The following GABRB1 variants were observed in gnomAD, a reference collection of about 807,000 sequenced individuals.
GABRB1 encodes gamma-aminobutyric acid type A receptor subunit beta1, also known as gamma-aminobutyric acid receptor subunit beta-1.
In GABRB1, 17 loss-of-function variants were observed where a neutral mutation model predicts 51.6. That is an observed-to-expected ratio of 0.33 (90% CI 0.23 to 0.49). The LOEUF (loss-of-function observed/expected upper bound fraction) is 0.49. Among genes scored for constraint, GABRB1 ranks in the 20% least tolerant of loss-of-function variants. The pLI, the probability that GABRB1 is intolerant of heterozygous loss-of-function variation, is 0.99. For synonymous variants in GABRB1, 247 were observed against 218.9 expected (o/e 1.13, Z -1.14); for missense variants, 410 against 600.6 (o/e 0.68, Z 3.32).
intron 5 of GABRB1, among the ~76,000 whole-genome samples, chr4:47,333,192 ATT>A (rs200956637): frequency 0.33 from 974 of 2,982 alleles, 17 homozygotes; most frequent in African/African-American, 0.42. Context: ...AACCCATTTT[ATT>A]TATATATATA....
At chr4:47,178,283 A>G (rs973218851) in intron 4 of GABRB1, among the ~76,000 whole-genome samples, 8 of 152,078 alleles carry the variant, frequency 5.3e-5, no homozygotes, top group African/African-American at 1.2e-4. Context: ...CTGGGTTAAG[A>G]GTCTATCTCT....
At chr4:47,161,544 G>A (rs561443773) in intron 4 of GABRB1, 75 bp downstream of exon 4, 16 of 1,157,222 alleles carry the variant, frequency 1.4e-5, no homozygotes, top group Non-Finnish European at 1.9e-5. Flanking sequence ...AGTGGGCAAA[G>A]GGGAGAGAAG....
intron 3 of GABRB1, among the ~76,000 whole-genome samples, chr4:47,067,487 T>C (rs1727136523): frequency 6.6e-6 from 1 of 152,192 alleles, no homozygotes; most frequent in Non-Finnish European, 1.5e-5. Flanking sequence ...TGTAGCCAAC[T>C]TCATCAATTA....
At chr4:47,422,620 C>T (rs1729127298) in intron 8 of GABRB1, among the ~76,000 whole-genome samples, 1 of 152,104 alleles carries the variant, frequency 6.6e-6, no homozygotes, top group South Asian at 2.1e-4. Flanking sequence ...TGTTCTCTAC[C>T]TCTATAGTTT....
chr4:47,361,861 A>G (rs547890890), intron 5 of GABRB1, among the ~76,000 whole-genome samples: 11 of 152,264 alleles, frequency 7.2e-5, no homozygotes, highest in Middle Eastern at 3.4e-3. Context: ...TAAGTCATCA[A>G]CTGGGGTTGT....
intron 4 of GABRB1, among the ~76,000 whole-genome samples, chr4:47,267,242 G>C (rs1722671830): frequency 6.6e-6 from 1 of 151,982 alleles, no homozygotes; most frequent in Non-Finnish European, 1.5e-5. Context: ...TTCATAGAAA[G>C]AGAGATGAGA....
At chr4:47,411,138 C>T (rs1173875108) in intron 8 of GABRB1, among the ~76,000 whole-genome samples, 1 of 152,044 alleles carries the variant, frequency 6.6e-6, no homozygotes, top group Non-Finnish European at 1.5e-5. Context: ...TCAACAGAAA[C>T]AGAGCAGTAA....
chr4:47,083,554 C>G (rs1321981840), intron 3 of GABRB1, among the ~76,000 whole-genome samples: 1 of 151,982 alleles, frequency 6.6e-6, no homozygotes, highest in Admixed American at 6.6e-5. Flanking sequence ...CATTTAAGAC[C>G]AGGGGTTAGA....
At chr4:47,328,857 T>G (rs558349636) in intron 5 of GABRB1, among the ~76,000 whole-genome samples, 1 of 151,654 alleles carries the variant, frequency 6.6e-6, no homozygotes, top group African/African-American at 2.4e-5. Context: ...ACATGGCACA[T>G]GTATACATAT....
At chr4:47,119,303 A>G (rs1004505652) in intron 3 of GABRB1, among the ~76,000 whole-genome samples, 1 of 152,114 alleles carries the variant, frequency 6.6e-6, no homozygotes, top group Non-Finnish European at 1.5e-5. Flanking sequence ...TAAAACCCAA[A>G]GTAAAATATT....
chr4:47,017,881 T>C (rs1366773302), intron 1 of GABRB1, among the ~76,000 whole-genome samples: 1 of 152,210 alleles, frequency 6.6e-6, no homozygotes, highest in Non-Finnish European at 1.5e-5. Context: ...AGAACTCAAA[T>C]CATTAAATTG....
intron 5 of GABRB1, among the ~76,000 whole-genome samples, chr4:47,326,276 G>A (rs1404293005): frequency 6.6e-6 from 1 of 152,106 alleles, no homozygotes; most frequent in Non-Finnish European, 1.5e-5. Context: ...AAGATCAATA[G>A]TAACCAAAAG....
At chr4:47,064,633 C>A (rs1470119277) in intron 3 of GABRB1, among the ~76,000 whole-genome samples, 1 of 118,290 alleles carries the variant, frequency 8.5e-6, no homozygotes, top group Non-Finnish European at 1.7e-5. Context: ...AGCGAGGAGA[C>A]TCCATCTCAA....
intron 4 of GABRB1, among the ~76,000 whole-genome samples, chr4:47,195,604 A>T (rs1010934808): frequency 1.3e-5 from 2 of 152,218 alleles, no homozygotes; most frequent in African/African-American, 2.4e-5. Flanking sequence ...GTAAGCATTA[A>T]AATTTCAGAC....
intron 3 of GABRB1, among the ~76,000 whole-genome samples, chr4:47,153,696 G>T (rs973646895): frequency 3.3e-5 from 5 of 151,924 alleles, no homozygotes; most frequent in African/African-American, 9.7e-5. Context: ...TTTCTTAGAT[G>T]ATTATCATTC....
At chr4:47,312,976 C>A (rs1724759022) in intron 4 of GABRB1, among the ~76,000 whole-genome samples, 1 of 152,056 alleles carries the variant, frequency 6.6e-6, no homozygotes. Flanking sequence ...ACATGATTTG[C>A]TATTACAATG....
At chr4:47,363,751 C>T (rs1186861475) in intron 5 of GABRB1, among the ~76,000 whole-genome samples, 3 of 152,126 alleles carry the variant, frequency 2.0e-5, no homozygotes, top group Non-Finnish European at 4.4e-5. Context: ...AATCCTGCTC[C>T]TTTCTTAATG....
In GABRB1 at chr4:47,045,497, C is replaced by T. The variant is rs746330066; in HGVS notation, c.240+13013C>T. 3.2e-4 allele frequency among the ~76,000 whole-genome samples: 48 copies of T among 151,544 alleles called. No individual in the cohort carries two copies. The Middle Eastern group carries it at 0.01, about 32-fold the overall frequency. On this transcript the variant is annotated intron_variant, in intron 3 of 8. Coordinates refer to ENST00000295454, the MANE Select transcript of GABRB1 (RefSeq NM_000812.4). ...CATCATCATCATCATCAGTCCATTT[C>T]AGCTGATATAACAGAGTATCACAGA...
At chr4:47,140,972 G>T (rs1716908392) in intron 3 of GABRB1, among the ~76,000 whole-genome samples, 2 of 151,724 alleles carry the variant, frequency 1.3e-5, no homozygotes, top group African/African-American at 4.8e-5. Context: ...TTGTGAGAAA[G>T]ATATTTAAAA....
Sources: allele counts gnomAD v4.1 joint callset (sites outside exome capture counted in the v4.1 genomes callset), GRCh38; gene constraint gnomAD v4.1.1; transcripts MANE v1.5; gene names NCBI Gene and HGNC (gene_info 2026-07-23, HGNC 2026-07-21).